Variants in MYT1L observed in about 807,000 individuals in gnomAD.
MYT1L encodes the protein myelin transcription factor 1-like protein.
In MYT1L, 12 loss-of-function variants were observed where a neutral mutation model predicts 126.7. That is an observed-to-expected ratio of 0.09 (90% CI 0.06 to 0.15). The LOEUF (loss-of-function observed/expected upper bound fraction) is 0.15. MYT1L is among the 10% of genes least tolerant of loss of function. The pLI, the probability that MYT1L is intolerant of heterozygous loss-of-function variation, is 1.00. For missense variants in MYT1L, 979 were observed against 1,585.2 expected (o/e 0.62, Z 6.49); for synonymous variants, 541 against 604.2 (o/e 0.90, Z 1.53).
chr2:2,003,202 G>A (rs937131599), intron 4 of MYT1L, among the ~76,000 whole-genome samples: 5 of 152,182 alleles, frequency 3.3e-5, no homozygotes, highest in Non-Finnish European at 5.9e-5. Flanking sequence ...TCTGCATGGG[G>A]GGCATCTGTG....
rs55665667 is a variant in MYT1L, at chr2:2,156,872, G to A, written c.-304+16000C>T. Among the ~76,000 whole-genome samples, 1,324 of 152,316 alleles carry A rather than the reference G, an allele frequency of 8.7e-3. 21 individuals are homozygous for A. The highest frequency in any genetic ancestry group is 0.026 in the African/African-American group (1,100 of 41,568). Reference sequence around the variant, plus strand: ...ACAGCAGGATCATCGGGGAGGTCTCGAGGGAGACTGAGGAAAAATATACAT... The same window carrying A: ...ACAGCAGGATCATCGGGGAGGTCTCAAGGGAGACTGAGGAAAAATATACAT... On this transcript the variant is annotated intron_variant, in intron 3 of 24. Transcript: ENST00000647738.
chr2:1,814,638 C>T (rs939285059), intron 21 of MYT1L, among the ~76,000 whole-genome samples: 1 of 152,178 alleles, frequency 6.6e-6, no homozygotes, highest in Non-Finnish European at 1.5e-5. Context: ...ACTGGGGGTG[C>T]GGAGCTCCCC....
chr2:2,299,286 G>A (rs1460465159), intron 1 of MYT1L, among the ~76,000 whole-genome samples: 1 of 152,230 alleles, frequency 6.6e-6, no homozygotes, highest in Non-Finnish European at 1.5e-5. Flanking sequence ...GGCTCTACCT[G>A]ACAGCAGCCT....
intron 19 of MYT1L, among the ~76,000 whole-genome samples, chr2:1,844,349 C>T (rs934247277): frequency 3.9e-5 from 6 of 152,098 alleles, no homozygotes; most frequent in African/African-American, 1.2e-4. Context: ...AACAAGGGAA[C>T]GTTTCCCTAC....
intron 4 of MYT1L, among the ~76,000 whole-genome samples, chr2:2,027,379 G>A (rs2065755519): frequency 6.6e-6 from 1 of 152,162 alleles, no homozygotes; most frequent in Non-Finnish European, 1.5e-5. Flanking sequence ...GCCAGTCCAT[G>A]TTCTGAACAA....
rs966031286 is a variant in MYT1L at position 1,848,737 on chromosome 2, C to T, written c.2774+2904G>A. ...TCTGCAGCAGCTCATTTACACAGAA[C>T]TGCACTTGTTTTGCTGGGGCCTCCA... On this transcript the variant is annotated intron_variant, in intron 19 of 24. Coordinates refer to ENST00000647738, the MANE Select transcript of MYT1L (RefSeq NM_001303052.2). The surrounding 1 kb of genome is among the most constrained non-coding windows in gnomAD (Gnocchi z 4.8). Among the ~76,000 whole-genome samples, 1 of 152,152 alleles carries T rather than the reference C, an allele frequency of 6.6e-6. No individual in the cohort carries two copies. The highest frequency in any genetic ancestry group is 1.9e-4 in the East Asian group (1 of 5,174).
chr2:2,307,979 C>G lies in MYT1L; in HGVS notation c.-521+22988G>C, dbSNP rs898353447. ...CACCTATACTCCACCTATGCTTCAG[C>G]ACACTCTACCTACACTCCACCTACG... On this transcript the variant is annotated intron_variant, in intron 1 of 24. Transcript: ENST00000647738. 2.6e-5 allele frequency among the ~76,000 whole-genome samples: 4 copies of G among 151,150 alleles called. 1 individual carries two copies. In the South Asian group the frequency reaches 6.3e-4, roughly 24 times the overall value.
At chr2:2,325,341 G>T (rs1402010964) in intron 1 of MYT1L, 2 of 152,158 alleles carry the variant, frequency 1.3e-5, no homozygotes, top group East Asian at 3.8e-4. Flanking sequence ...TTCTGTTTCA[G>T]TATGAGCTTC....
intron 2 of MYT1L, among the ~76,000 whole-genome samples, chr2:2,264,403 CA>C (rs1379473861): frequency 6.6e-6 from 1 of 151,812 alleles, no homozygotes; most frequent in African/African-American, 2.4e-5. Flanking sequence ...ACCCCACCCC[CA>C]AAAAAAATCC....
chr2:2,108,552 T>C (rs950947079), intron 3 of MYT1L, among the ~76,000 whole-genome samples: 1 of 152,242 alleles, frequency 6.6e-6, no homozygotes, highest in African/African-American at 2.4e-5. Context: ...CAAATATCTT[T>C]GAATTCTCCT....
intron 8 of MYT1L, among the ~76,000 whole-genome samples, chr2:1,975,830 C>G (rs1035393726): frequency 1.3e-5 from 2 of 152,200 alleles, no homozygotes; most frequent in South Asian, 2.1e-4. Flanking sequence ...TGCCACTGCA[C>G]TCCAGCATGA....
intron 2 of MYT1L, among the ~76,000 whole-genome samples, chr2:2,214,130 C>T (rs548085949): frequency 6.6e-6 from 1 of 151,734 alleles, no homozygotes; most frequent in South Asian, 2.1e-4. Context: ...TTGAAATTAT[C>T]TAAATGAAAC....
rs761269040 is a variant in MYT1L, at chr2:1,917,368, T to C, written c.1484-29A>G. 6.4e-7 allele frequency: 1 copy of C among 1,574,682 alleles called. No homozygotes were observed. Among genetic ancestry groups the C allele is most frequent in the Admixed American group, 1.8e-5 (1 of 55,474 alleles). On this transcript the variant is annotated intron_variant, in intron 10 of 24. Coordinates refer to ENST00000647738, the MANE Select transcript of MYT1L (RefSeq NM_001303052.2). This position sits in a 1 kb window ranked among gnomAD's most constrained non-coding sequence, Gnocchi z 5.9. ...AAAGCGACAACAGGTGCCAAGAGAA[T>C]AAATGTTTACCAATCAAAGACAAAT...
chr2:2,141,755 C>T (rs1324400955), intron 3 of MYT1L, among the ~76,000 whole-genome samples: 1 of 152,156 alleles, frequency 6.6e-6, no homozygotes, highest in Non-Finnish European at 1.5e-5. Context: ...GATGAATAAG[C>T]TGTAGAGAAA....
rs1270803592 is a variant in MYT1L at position 1,818,588 on chromosome 2, CAG to C, written c.3081-9423_3081-9422del. 5.9e-5 allele frequency among the ~76,000 whole-genome samples: 9 copies of C among 152,242 alleles called. No individual in the cohort carries two copies. The East Asian group carries it at 1.7e-3, about 29-fold the overall frequency. On this transcript the variant is annotated intron_variant, in intron 21 of 24. Transcript: ENST00000647738. ...ACGGAGCATCTCCTCAATAAGCAAACAGGGATTTGGTGCAGCAGCCACAGCCT... is the reference window on the plus strand; with the variant it reads ...ACGGAGCATCTCCTCAATAAGCAAACGGATTTGGTGCAGCAGCCACAGCCT...
chr2:2,293,409 G>C (rs570872375), intron 1 of MYT1L, among the ~76,000 whole-genome samples: 2 of 152,198 alleles, frequency 1.3e-5, no homozygotes, highest in African/African-American at 4.8e-5. Flanking sequence ...ATTCCCCCAC[G>C]CTGACTGTGC....
At chr2:2,167,562 G>T (rs967868905) in intron 3 of MYT1L, among the ~76,000 whole-genome samples, 7 of 152,138 alleles carry the variant, frequency 4.6e-5, no homozygotes, top group African/African-American at 1.7e-4. Flanking sequence ...ACCATCTACA[G>T]AGCTCAACCT....
At chr2:2,184,039 AAAAG>A (rs780412700) in intron 2 of MYT1L, among the ~76,000 whole-genome samples, 3 of 150,242 alleles carry the variant, frequency 2.0e-5, no homozygotes, top group Non-Finnish European at 3.0e-5. Context: ...GAAAGAGAGA[AAAAG>A]AAAAAGAAAG....
chr2:2,022,071 G>A (rs1323231149), intron 4 of MYT1L, among the ~76,000 whole-genome samples: 1 of 152,188 alleles, frequency 6.6e-6, no homozygotes, highest in Non-Finnish European at 1.5e-5. Flanking sequence ...GACATCTTGT[G>A]TATGTCTGCT....
Sources: gnomAD v4.1 joint callset for allele counts (sites outside exome capture counted in the v4.1 genomes callset) on GRCh38, gnomAD v4.1.1 for gene constraint, Gnocchi (gnomAD v3.1) non-coding constraint, MANE v1.5 for transcripts, NCBI Gene and HGNC (gene_info 2026-07-23, HGNC 2026-07-21) for gene names.